STRIP1: variants seen among roughly 807,000 people sequenced by gnomAD.
STRIP1 encodes striatin-interacting protein 1.
In STRIP1, 63 loss-of-function variants were observed where a neutral mutation model predicts 106.2. That is an observed-to-expected ratio of 0.59 (90% CI 0.48 to 0.73). The LOEUF (loss-of-function observed/expected upper bound fraction) is 0.73. STRIP1 is among the 30% of genes least tolerant of loss of function. The pLI, the probability that STRIP1 is intolerant of heterozygous loss-of-function variation, is 0.00. For missense variants in STRIP1, 857 were observed against 1,074.8 expected, an observed-to-expected ratio of 0.80 and a Z score of 2.83; for synonymous variants, 390 against 413.0, an observed-to-expected ratio of 0.94 and a Z score of 0.67.
rs1453160096 is a variant in STRIP1 at position 110,034,681 on chromosome 1, A to G, written c.44A>G (p.Asn15Ser). Reference protein sequence around the residue: ...VGGPGPLIVNNKQPQPPPPPP... With the variant: ...VGGPGPLIVNSKQPQPPPPPP... ...GGTCCGGGCCCACTGATCGTGAACA[A>G]CAAACAGCCCCAGCCCCCGCCACCT... Residue 15 changes from asparagine (N) to serine (S), a missense_variant, in exon 1 of 21, where the codon AAC (asparagine) becomes AGC (serine). By Grantham distance (46) the Asn-to-Ser change is conservative. Around this residue, in one of 2 missense-constraint regions of STRIP1, gnomAD observed 107 missense variants for 85.1 expected, o/e 1.26. Coordinates refer to ENST00000369795, the MANE Select transcript of STRIP1 (RefSeq NM_033088.4). 6.6e-7 allele frequency: 1 copy of G among 1,524,542 alleles called. No individual in the cohort carries two copies. Among genetic ancestry groups the G allele is most frequent in the Non-Finnish European group, 8.8e-7 (1 of 1,137,162 alleles). The allele number at this position is 1,524,542 out of a possible 1,614,324, so 94.4% of individuals were successfully genotyped here.
intron 20 of STRIP1, 146 bp downstream of exon 20, chr1:110,052,033 C>T: frequency 1.2e-6 from 1 of 845,244 alleles, no homozygotes; most frequent in Non-Finnish European, 1.8e-6. Flanking sequence ...GCTTTTGTAG[C>T]ATCAGGATGG....
chr1:110,041,363 T>C (rs1424307133), intron 6 of STRIP1, 173 bp from the exon 7 acceptor site: 5 of 570,164 alleles, frequency 8.8e-6, no homozygotes, highest in Admixed American at 6.2e-5. Flanking sequence ...GGTTTTTTTC[T>C]TTTCAGGAAG....
intron 6 of STRIP1, 84 bp downstream of exon 6, chr1:110,040,787 C>A: frequency 1.7e-6 from 2 of 1,182,640 alleles, no homozygotes; most frequent in Non-Finnish European, 1.2e-6. Context: ...CTGTGGGTGT[C>A]ATTGCTGTGT....
At chr1:110,038,643 C>A in intron 2 of STRIP1, 40 bp from the exon 3 acceptor site, 1 of 1,566,966 alleles carries the variant, frequency 6.4e-7, no homozygotes, top group Non-Finnish European at 8.8e-7. Flanking sequence ...GTGTGCAATG[C>A]AGACATGGAA....
chr1:110,039,053 A>G (rs1466096216), intron 3 of STRIP1, 119 bp from the exon 4 acceptor site: 3 of 1,153,868 alleles, frequency 2.6e-6, no homozygotes, highest in Non-Finnish European at 3.7e-6. Flanking sequence ...TACCACTTAC[A>G]TAGGGTGTAA....
At chr1:110,039,897 AG>A in intron 5 of STRIP1, 1 of 1,294,528 alleles carries the variant, frequency 7.7e-7, no homozygotes, top group Non-Finnish European at 1.0e-6. Flanking sequence ...GGGCTCAACC[AG>A]TGCCTGGCCT....
chr1:110,033,961 G>A (rs1339850150), upstream of STRIP1, among the ~76,000 whole-genome samples: 3 of 152,248 alleles, frequency 2.0e-5, no homozygotes, highest in African/African-American at 7.2e-5. Context: ...AGTCAGAGTT[G>A]AGTCTAATTC....
Position 110,038,756 on chromosome 1 carries a change from T to C in STRIP1, c.324T>C (p.His108=). The part of the protein sequence containing the change: ...RKCFEEDFRI[H]VTDKKWTELD... ...GCTTTGAGGAGGACTTCCGGATCCATGGTGAGATGATTTCCCACACTTCTT... is the reference window on the plus strand; with the variant it reads ...GCTTTGAGGAGGACTTCCGGATCCACGGTGAGATGATTTCCCACACTTCTT... Residue 108 remains histidine, a splice_region_variant and synonymous_variant, in exon 3 of 21, where the codon CAT becomes CAC. Transcript: ENST00000369795. 1 of 1,613,722 alleles carries C rather than the reference T, an allele frequency of 6.2e-7. No homozygotes were observed.
chr1:110,049,953 G>A (rs1653212887), intron 17 of STRIP1: 1 of 326,500 alleles, frequency 3.1e-6, no homozygotes. Flanking sequence ...CCTGGTGCCA[G>A]CTGTGCTTGA....
chr1:110,041,981 T>A (rs968004223), intron 8 of STRIP1, 120 bp downstream of exon 8: 7 of 1,210,976 alleles, frequency 5.8e-6, no homozygotes, highest in Admixed American at 2.3e-5. Flanking sequence ...GTAAAAAAAA[T>A]TATTTAAAAA....
chr1:110,044,778 C>A, intron 10 of STRIP1, 62 bp from the exon 11 acceptor site: 1 of 1,518,570 alleles, frequency 6.6e-7, no homozygotes, highest in Non-Finnish European at 9.1e-7. Flanking sequence ...TTAACTGTAA[C>A]ACTTTGAAAT....
upstream of STRIP1, among the ~76,000 whole-genome samples, chr1:110,032,032 C>T (rs941646959): frequency 6.6e-5 from 10 of 152,100 alleles, no homozygotes; most frequent in African/African-American, 1.9e-4. Flanking sequence ...CGGTGCCTGG[C>T]CCCTCAAAGT....
upstream of STRIP1, among the ~76,000 whole-genome samples, chr1:110,034,400 A>G (rs566986042): frequency 1.3e-5 from 2 of 152,314 alleles, no homozygotes; most frequent in South Asian, 2.1e-4. Flanking sequence ...AAGCTAAGGG[A>G]AGCCTCACAG....
intron 5 of STRIP1, 46 bp from the exon 6 acceptor site, chr1:110,040,589 A>G: frequency 1.3e-6 from 2 of 1,569,524 alleles, no homozygotes; most frequent in Non-Finnish European, 8.7e-7. Flanking sequence ...GACATCACTT[A>G]TCTTCCTTCT....
At chr1:110,036,949 G>C (rs1258441479) in intron 1 of STRIP1, among the ~76,000 whole-genome samples, 2 of 152,060 alleles carry the variant, frequency 1.3e-5, no homozygotes, top group Admixed American at 6.6e-5. Flanking sequence ...TTAGCCTCCC[G>C]AGTAGCTGGG....
At chr1:110,031,985 C>T (rs1342982123), upstream of STRIP1, among the ~76,000 whole-genome samples, 1 of 151,550 alleles carries the variant, frequency 6.6e-6, no homozygotes, top group African/African-American at 2.4e-5. Flanking sequence ...CCTCCCACCT[C>T]AACTTCCCAA....
chr1:110,041,488 C>T (rs1428427615), intron 6 of STRIP1, 48 bp from the exon 7 acceptor site: 2 of 1,450,904 alleles, frequency 1.4e-6, no homozygotes, highest in Admixed American at 3.4e-5. Context: ...TAGGGTGCTC[C>T]TTTGACCCCC....
upstream of STRIP1, among the ~76,000 whole-genome samples, chr1:110,032,660 C>T (rs1652249521): frequency 6.6e-6 from 1 of 152,140 alleles, no homozygotes; most frequent in African/African-American, 2.4e-5. Flanking sequence ...GTTGCCCAAA[C>T]CTAGATCAAG....
rs199913526 is a variant in STRIP1, at chr1:110,037,857, C to T, written c.181-34C>T. On this transcript the variant is annotated intron_variant, in intron 1 of 20. Coordinates refer to ENST00000369795, the MANE Select transcript of STRIP1 (RefSeq NM_033088.4). ...GAGTTTCTTTGATAAATAGAATGAT[C>T]CTTTTTCCTAAAGCTCTCTCCTCTT... is the stretch of plus-strand genomic sequence containing the variant. 1.7e-4 allele frequency: 255 copies of T among 1,474,268 alleles called. 1 individual carries two copies. In the African/African-American group the frequency reaches 3.0e-3, roughly 17 times the overall value. 91.3% of individuals were successfully genotyped at this position (1,474,268 alleles called of 1,614,324 possible).
Sources: gnomAD v4.1 joint callset for allele counts (sites outside exome capture counted in the v4.1 genomes callset) on GRCh38, gnomAD v4.1.1 for gene constraint, gnomAD v4.1.1 regional missense constraint, MANE v1.5 for transcripts, NCBI Gene and HGNC (gene_info 2026-07-23, HGNC 2026-07-21) for gene names.